The following NOL11 variants were observed in gnomAD, a reference collection of about 807,000 sequenced individuals.
NOL11 encodes nucleolar protein 11.
Under a neutral mutation model 93.0 loss-of-function variants are expected in NOL11, and 42 were observed. The ratio of observed to expected loss-of-function variants is 0.45; its 90% CI spans 0.35 to 0.58. The LOEUF (loss-of-function observed/expected upper bound fraction) is 0.58. NOL11 is among the 20% of genes least tolerant of loss of function. NOL11 has a pLI of 0.00. For synonymous variants in NOL11, 296 were observed against 293.7 expected (o/e 1.01, Z -0.08); for missense variants, 775 against 841.8 (o/e 0.92, Z 0.98).
intron 5 of NOL11, among the ~76,000 whole-genome samples, chr17:67,723,836 G>C (rs1347290993): frequency 6.6e-6 from 1 of 152,036 alleles, no homozygotes; most frequent in Non-Finnish European, 1.5e-5. Flanking sequence ...AGCCTGGGAG[G>C]TGGAGGTTGC....
At chr17:67,734,232 C>T in intron 7 of NOL11, 131 bp from the exon 8 acceptor site, 1 of 623,732 alleles carries the variant, frequency 1.6e-6, no homozygotes, top group Non-Finnish European at 2.8e-6. Context: ...GTTCCTGTGG[C>T]AATCACTGTC....
rs377520875 is a variant in NOL11 at position 67,738,249 on chromosome 17, G to A, written c.1657G>A (p.Glu553Lys). 1.2e-6 allele frequency: 2 copies of A among 1,613,772 alleles called. No individual in the cohort carries two copies. The highest frequency in any genetic ancestry group is 1.7e-6 in the Non-Finnish European group (2 of 1,179,846). The change falls in exon 14 of 18, where the codon GAA becomes AAA. Residue 553 changes from glutamate (E) to lysine (K), a missense_variant. This residue lies in a region of NOL11 where 416 missense variants were observed against 525.2 expected (regional missense o/e 0.79). Coordinates refer to ENST00000253247, the MANE Select transcript of NOL11 (RefSeq NM_015462.5). ...AATTCTTCAAAATGGCTTCAATCCT[G>A]AAGAAGATAAATGCAATAACTGTGA... is the stretch of plus-strand genomic sequence containing the variant. ...TEILQNGFNP[E>K]EDKCNNCDQE...
intron 3 of NOL11, chr17:67,720,343 C>T (rs1227215630): frequency 6.5e-6 from 1 of 153,880 alleles, no homozygotes; most frequent in African/African-American, 2.4e-5. Context: ...CTCTTGTCCC[C>T]CAGGCTGGAG....
intron 4 of NOL11, 116 bp from the exon 5 acceptor site, chr17:67,722,463 AT>A: frequency 1.5e-5 from 21 of 1,429,938 alleles, no homozygotes; most frequent in Non-Finnish European, 1.8e-5. Context: ...GTGTTCTCTG[AT>A]GTCTTTCTGG....
In NOL11 at chr17:67,717,963, G is replaced by A. The variant is rs764864587; in HGVS notation, c.16G>A (p.Glu6Lys). Residue 6 changes from glutamate to lysine, a missense_variant, in exon 1 of 18, where the codon GAA (glutamate) becomes AAA (lysine). Coordinates refer to ENST00000253247, the MANE Select transcript of NOL11 (RefSeq NM_015462.5). ...TTTGCTCAAAATGGCAGCGCTGGAG[G>A]AAGAATTCACGTTGTCTTCGGTAGT... The part of the protein sequence containing the change: MAALE[E>K]EFTLSSVVLS... 27 of 1,614,108 alleles carry A rather than the reference G, an allele frequency of 1.7e-5. No homozygotes were observed. The highest frequency in any genetic ancestry group is 1.9e-5 in the Non-Finnish European group (23 of 1,180,042).
intron 3 of NOL11, among the ~76,000 whole-genome samples, chr17:67,721,058 T>C (rs994130309): frequency 1.3e-5 from 2 of 152,360 alleles, no homozygotes; most frequent in Middle Eastern, 3.4e-3. Flanking sequence ...CATGTACCTC[T>C]GCATGAATGG....
chr17:67,735,884 A>G lies in NOL11; in HGVS notation c.931-16A>G, dbSNP rs755575338. On this transcript the variant is annotated splice_polypyrimidine_tract_variant and intron_variant, in intron 8 of 17. Coordinates refer to ENST00000253247, the MANE Select transcript of NOL11 (RefSeq NM_015462.5). Reference sequence around the variant, plus strand: ...AGAAAAAAATTTGCTTATGTTTTTGATAACTTTTTTTGTAGCTCTGGTATT... The same window carrying G: ...AGAAAAAAATTTGCTTATGTTTTTGGTAACTTTTTTTGTAGCTCTGGTATT... The G allele has an allele frequency of 1.3e-6, 2 of 1,598,190 alleles. No individual in the cohort carries two copies. The highest frequency in any genetic ancestry group is 1.7e-4 in the Middle Eastern group (1 of 5,976).
rs761114462 is a variant in NOL11, at chr17:67,739,649, T to A, written c.1935+41T>A. On this transcript the variant is annotated intron_variant, in intron 16 of 17. Coordinates refer to ENST00000253247, the MANE Select transcript of NOL11 (RefSeq NM_015462.5). ...TACTTTGATTTGGTGCTGGGAAAAA[T>A]CTGTGAAAAAAAGTTGTATTCAAGG... 1.4e-5 allele frequency: 19 copies of A among 1,317,988 alleles called. No homozygotes were observed. In the South Asian group the frequency reaches 2.3e-4, roughly 16 times the overall value. The allele number at this position is 1,317,988 out of a possible 1,614,324, so 81.6% of individuals were successfully genotyped here. A position where few individuals can be genotyped will look rare whatever the true frequency, so the allele number is the denominator to read the frequency against.
intron 6 of NOL11, among the ~76,000 whole-genome samples, chr17:67,725,970 T>C (rs140112392): frequency 6.6e-6 from 1 of 152,200 alleles, no homozygotes; most frequent in African/African-American, 2.4e-5. Flanking sequence ...TAGTCCCCGC[T>C]ATTTGGGAGG....
chr17:67,739,386 A>G, intron 15 of NOL11, 130 bp from the exon 16 acceptor site: 1 of 583,456 alleles, frequency 1.7e-6, no homozygotes. Flanking sequence ...ATTCATTTTT[A>G]TGTCTCCAGA....
intron 6 of NOL11, 95 bp downstream of exon 6, chr17:67,724,288 A>G: frequency 7.4e-6 from 5 of 679,902 alleles, no homozygotes; most frequent in Non-Finnish European, 1.2e-5. Context: ...TGAAGCATTC[A>G]GTTACAGCCA....
At chr17:67,740,985 A>C (rs1408256613) in intron 16 of NOL11, among the ~76,000 whole-genome samples, 2 of 152,136 alleles carry the variant, frequency 1.3e-5, no homozygotes, top group Admixed American at 6.5e-5. Context: ...GCAGACATGA[A>C]TCCTGCCCTG....
chr17:67,741,673 G>C (rs2055258030), intron 16 of NOL11, among the ~76,000 whole-genome samples: 1 of 152,054 alleles, frequency 6.6e-6, no homozygotes, highest in Non-Finnish European at 1.5e-5. Flanking sequence ...CCAGGTTCAA[G>C]CAATTCTCCT....
chr17:67,719,739 T>C lies in NOL11; in HGVS notation c.207T>C (p.Ala69=), dbSNP rs2043203304. Residue 69 remains alanine, a synonymous_variant, in exon 2 of 18, where the codon GCT becomes GCC. Transcript: ENST00000253247. ...VKQGQIITCP[A]VCNFQTGEYV... ...AAGGTCAAATTATAACATGTCCAGC[T>C]GTGTGCAACTTTCAAACTGGAGAGT... The C allele has an allele frequency of 1.2e-6, 2 of 1,610,876 alleles. No individual in the cohort carries two copies. Among genetic ancestry groups the C allele is most frequent in the African/African-American group, 2.7e-5 (2 of 74,972 alleles).
intron 16 of NOL11, among the ~76,000 whole-genome samples, chr17:67,742,158 T>C (rs2055262474): frequency 6.6e-6 from 1 of 152,166 alleles, no homozygotes; most frequent in Non-Finnish European, 1.5e-5. Flanking sequence ...TTCTGAAGAG[T>C]TGTGACAACT....
chr17:67,742,575 C>T (rs1450997234), intron 16 of NOL11, among the ~76,000 whole-genome samples: 1 of 151,974 alleles, frequency 6.6e-6, no homozygotes, highest in Non-Finnish European at 1.5e-5. Context: ...AAGGCCCTTC[C>T]CACTCTAAGA....
Position 67,723,076 on chromosome 17 carries a change from G to A in NOL11, c.519+439G>A, listed in dbSNP as rs577902418. On this transcript the variant is annotated intron_variant, in intron 5 of 17. Transcript: ENST00000253247. ...TGCCCAGCCTGGAGAGCAATGGTGC[G>A]ATCTCAGCCCACCGCAGCCTCCTCC... is the stretch of plus-strand genomic sequence containing the variant. Among the ~76,000 whole-genome samples, 258 of 149,578 alleles carry A rather than the reference G, an allele frequency of 1.7e-3. 1 individual carries two copies. The highest frequency in any genetic ancestry group is 5.9e-3 in the African/African-American group (238 of 40,282).
At chr17:67,732,791 C>T (rs2055166355) in intron 7 of NOL11, among the ~76,000 whole-genome samples, 1 of 151,332 alleles carries the variant, frequency 6.6e-6, no homozygotes, top group Admixed American at 6.6e-5. Context: ...CCCGGCTGGT[C>T]TCCAACTCCT....
intron 6 of NOL11, among the ~76,000 whole-genome samples, chr17:67,725,247 T>C (rs1408469151): frequency 3.9e-5 from 6 of 152,190 alleles, no homozygotes; most frequent in Admixed American, 3.9e-4. Context: ...TTAGATTTAG[T>C]ATGCCCTTCC....
Sources: gnomAD v4.1 joint callset for allele counts (sites outside exome capture counted in the v4.1 genomes callset) on GRCh38, gnomAD v4.1.1 for gene constraint, gnomAD v4.1.1 regional missense constraint, MANE v1.5 for transcripts, NCBI Gene and HGNC (gene_info 2026-07-23, HGNC 2026-07-21) for gene names.